Variants in RNGTT observed in about 807,000 individuals in gnomAD.
RNGTT encodes the protein mRNA-capping enzyme.
In RNGTT, 33 loss-of-function variants were observed where a neutral mutation model predicts 79.3. The ratio of observed to expected loss-of-function variants is 0.42; its 90% confidence interval spans 0.32 to 0.56. The LOEUF is 0.56. Among genes scored for constraint, RNGTT ranks in the 20% least tolerant of loss-of-function variants. The pLI, the probability that RNGTT is intolerant of heterozygous loss-of-function variation, is 0.17. For missense variants in RNGTT, 497 were observed against 739.1 expected (o/e 0.67, Z 3.80); for synonymous variants, 222 against 235.9 (o/e 0.94, Z 0.54).
intron 12 of RNGTT, among the ~76,000 whole-genome samples, chr6:88,770,563 G>C (rs1778620628): frequency 6.6e-6 from 1 of 152,096 alleles, no homozygotes; most frequent in Non-Finnish European, 1.5e-5. Context: ...TGGATATCTG[G>C]GTTGTTTCCA....
At chr6:88,620,358 A>C (rs536099067) in intron 14 of RNGTT, among the ~76,000 whole-genome samples, 1 of 152,368 alleles carries the variant, frequency 6.6e-6, no homozygotes, top group East Asian at 1.9e-4. Flanking sequence ...TATTTCTACC[A>C]TCCAATAAAA....
At chr6:88,725,652 T>G (rs1221137106) in intron 13 of RNGTT, among the ~76,000 whole-genome samples, 1 of 152,012 alleles carries the variant, frequency 6.6e-6, no homozygotes, top group Non-Finnish European at 1.5e-5. Flanking sequence ...AGGTGAGAAA[T>G]CCCCATGAGG....
chr6:88,890,706 A>C, intron 7 of RNGTT, 110 bp from the exon 8 acceptor site: 1 of 572,952 alleles, frequency 1.7e-6, no homozygotes, highest in South Asian at 3.0e-5. Flanking sequence ...TCTCCCTATG[A>C]TGAGATTAAT....
At chr6:88,698,239 T>C (rs1429768529) in intron 13 of RNGTT, among the ~76,000 whole-genome samples, 1 of 111,830 alleles carries the variant, frequency 8.9e-6, no homozygotes, top group East Asian at 2.2e-4. Context: ...ATATGAAATA[T>C]ATATATGAAA....
At chr6:88,737,706 G>A (rs994146844) in intron 13 of RNGTT, among the ~76,000 whole-genome samples, 1 of 152,092 alleles carries the variant, frequency 6.6e-6, no homozygotes, top group Non-Finnish European at 1.5e-5. Flanking sequence ...GAGCATCCGC[G>A]ACTCAAGGGG....
chr6:88,649,727 AG>A (rs1773727556), intron 14 of RNGTT, among the ~76,000 whole-genome samples: 1 of 152,052 alleles, frequency 6.6e-6, no homozygotes, highest in Non-Finnish European at 1.5e-5. Flanking sequence ...AGCCATAAAT[AG>A]GAGAATGAAT....
chr6:88,619,152 T>A (rs112948696), intron 14 of RNGTT, among the ~76,000 whole-genome samples: 1 of 151,932 alleles, frequency 6.6e-6, no homozygotes, highest in African/African-American at 2.4e-5. Context: ...TCCATGGGGC[T>A]CCCTACCACA....
At chr6:88,876,082 A>T (rs1782508989) in intron 8 of RNGTT, among the ~76,000 whole-genome samples, 1 of 152,210 alleles carries the variant, frequency 6.6e-6, no homozygotes. Flanking sequence ...GTATAAGAAG[A>T]TCAGTACAGT....
chr6:88,741,297 G>A (rs1777483182), intron 13 of RNGTT, among the ~76,000 whole-genome samples: 1 of 152,112 alleles, frequency 6.6e-6, no homozygotes, highest in African/African-American at 2.4e-5. Flanking sequence ...CCTTTGCAGC[G>A]ACATGGATAT....
intron 11 of RNGTT, among the ~76,000 whole-genome samples, chr6:88,836,016 A>AC (rs1421750892): frequency 8.2e-6 from 1 of 122,104 alleles, no homozygotes; most frequent in Admixed American, 8.5e-5. Context: ...ACACACACAC[A>AC]CACACACATA....
At chr6:88,747,166 T>C (rs1777686868) in intron 13 of RNGTT, among the ~76,000 whole-genome samples, 1 of 152,150 alleles carries the variant, frequency 6.6e-6, no homozygotes, top group Non-Finnish European at 1.5e-5. Flanking sequence ...AAAAGCAATA[T>C]TGTGTTGGGG....
intron 8 of RNGTT, among the ~76,000 whole-genome samples, chr6:88,866,471 A>T (rs528099726): frequency 1.4e-3 from 219 of 152,294 alleles, no homozygotes; most frequent in African/African-American, 5.0e-3. Flanking sequence ...TAAATGTCTG[A>T]AAACAAAGTG....
In RNGTT at chr6:88,856,222, T is replaced by C. The variant is rs533578351; in HGVS notation, c.897-2458A>G. Among the ~76,000 whole-genome samples the C allele has an allele frequency of 3.2e-4, 48 of 152,316 alleles. 2 individuals carry two copies. In the South Asian group the frequency reaches 9.5e-3, roughly 30 times the overall value. ...ATTTGACAGAATTGGTATTCTATAC[T>C]TACAATTTGAGAAAAGCTGACTTAA... is the stretch of plus-strand genomic sequence containing the variant. On this transcript the variant is annotated intron_variant, in intron 8 of 15. Coordinates refer to ENST00000369485, the MANE Select transcript of RNGTT (RefSeq NM_003800.5).
chr6:88,905,514 T>C (rs1783623937), intron 5 of RNGTT, among the ~76,000 whole-genome samples: 1 of 152,226 alleles, frequency 6.6e-6, no homozygotes, highest in African/African-American at 2.4e-5. Context: ...CAACTGATTA[T>C]ATTCAAAAAA....
intron 6 of RNGTT, among the ~76,000 whole-genome samples, chr6:88,902,091 G>A (rs760488075): frequency 7.9e-5 from 12 of 152,254 alleles, no homozygotes; most frequent in Non-Finnish European, 1.0e-4. Context: ...AGGAGGCTGC[G>A]ATGAGAGGAT....
chr6:88,671,287 A>T (rs1774629615), intron 14 of RNGTT, among the ~76,000 whole-genome samples: 1 of 152,234 alleles, frequency 6.6e-6, no homozygotes, highest in Non-Finnish European at 1.5e-5. Flanking sequence ...TACACAAATC[A>T]GTAGCACTGC....
chr6:88,636,035 A>G (rs916635087), intron 14 of RNGTT, among the ~76,000 whole-genome samples: 2 of 152,082 alleles, frequency 1.3e-5, no homozygotes, highest in Non-Finnish European at 2.9e-5. Context: ...GCTACTGTGC[A>G]GTCATATTCT....
chr6:88,877,302 A>G (rs1782548079), intron 8 of RNGTT, among the ~76,000 whole-genome samples: 1 of 152,200 alleles, frequency 6.6e-6, no homozygotes, highest in African/African-American at 2.4e-5. Flanking sequence ...TAACAGAGAA[A>G]TTCTCAGATA....
intron 8 of RNGTT, among the ~76,000 whole-genome samples, chr6:88,877,491 C>T (rs1399343510): frequency 1.3e-5 from 2 of 152,088 alleles, no homozygotes; most frequent in African/African-American, 2.4e-5. Context: ...GAATTTGAAT[C>T]TCTGAATTTT....
Sources: gnomAD v4.1 joint callset for allele counts (sites outside exome capture counted in the v4.1 genomes callset) on GRCh38, gnomAD v4.1.1 for gene constraint, MANE v1.5 for transcripts, NCBI Gene and HGNC (gene_info 2026-07-23, HGNC 2026-07-21) for gene names.